SCAPER: variants seen among roughly 807,000 people sequenced by gnomAD.
SCAPER encodes the protein S phase cyclin A-associated protein in the endoplasmic reticulum.
A neutral mutation model predicts 182.2 loss-of-function variants in SCAPER; 98 were observed. The ratio of observed to expected loss-of-function variants is 0.54; its 90% CI spans 0.46 to 0.64. The LOEUF (loss-of-function observed/expected upper bound fraction) is 0.64, where lower values mean the gene tolerates loss of function less well. Ranked by LOEUF, SCAPER falls within the 30% of genes least tolerant of loss-of-function variation. The probability of loss-of-function intolerance (pLI) is 0.00; values close to 1 mark genes in which losing one functional copy is unlikely to be tolerated. For synonymous variants in SCAPER, 605 were observed against 564.6 expected (o/e 1.07, Z -1.01); for missense variants, 1,432 against 1,690.0 (o/e 0.85, Z 2.68).
In SCAPER at chr15:76,595,845, C is replaced by T. The variant is rs1325612728; in HGVS notation, c.2712-21561G>A. On this transcript the variant is annotated intron_variant, in intron 22 of 31. Transcript: ENST00000563290. ...AGAGGGAAATTTATAGCACTAAATGCCCACAGGAGAAAGCAGGAAAGATCT... is the reference window on the plus strand; with the variant it reads ...AGAGGGAAATTTATAGCACTAAATGTCCACAGGAGAAAGCAGGAAAGATCT... Among the ~76,000 whole-genome samples the T allele has an allele frequency of 1.6e-5, 2 of 121,756 alleles. 1 individual carries two copies. Among genetic ancestry groups the T allele is most frequent in the Non-Finnish European group, 4.0e-5 (2 of 50,124 alleles). The allele number at this position is 121,756 out of a possible 152,430, so 79.9% of individuals were successfully genotyped here.
chr15:76,368,631 G>A (rs1488600312), intron 29 of SCAPER, among the ~76,000 whole-genome samples: 1 of 152,212 alleles, frequency 6.6e-6, no homozygotes, highest in African/African-American at 2.4e-5. Context: ...GATCAGCATG[G>A]ACTTCACTAG....
intron 8 of SCAPER, among the ~76,000 whole-genome samples, chr15:76,784,872 AATT>A (rs1279242530): frequency 6.6e-6 from 1 of 152,248 alleles, no homozygotes; most frequent in Non-Finnish European, 1.5e-5. Flanking sequence ...CTTATACAAA[AATT>A]AATTCAAGAT....
At chr15:76,617,960 T>G (rs1210620434) in intron 22 of SCAPER, among the ~76,000 whole-genome samples, 1 of 152,152 alleles carries the variant, frequency 6.6e-6, no homozygotes, top group Non-Finnish European at 1.5e-5. Context: ...TCTAGACTGT[T>G]TTAAAAAATC....
intron 21 of SCAPER, among the ~76,000 whole-genome samples, chr15:76,635,356 A>T (rs1419530236): frequency 6.6e-6 from 1 of 152,226 alleles, no homozygotes; most frequent in African/African-American, 2.4e-5. Context: ...AGGAAACCAG[A>T]GTACAGGGAA....
intron 5 of SCAPER, among the ~76,000 whole-genome samples, chr15:76,833,410 C>G (rs540680584): frequency 6.6e-6 from 1 of 152,070 alleles, no homozygotes; most frequent in Non-Finnish European, 1.5e-5. Flanking sequence ...ACAATAAGTG[C>G]CACCATAAGA....
intron 1 of SCAPER, 75 bp from the exon 2 acceptor site, chr15:76,883,951 T>G (rs1051984423): frequency 1.4e-6 from 1 of 719,932 alleles, no homozygotes; most frequent in East Asian, 3.3e-5. Context: ...AAGATACAAA[T>G]CTCATCCCCA....
At chr15:76,668,057 C>A (rs1157093728) in intron 20 of SCAPER, among the ~76,000 whole-genome samples, 3 of 152,186 alleles carry the variant, frequency 2.0e-5, no homozygotes, top group Admixed American at 2.0e-4. Context: ...CAACAAAACT[C>A]TTATGTTCTT....
At position 76,851,874 on chromosome 15, in the gene SCAPER, T is replaced by G. The variant is rs144039252; in HGVS notation, c.195+5935A>C. 6.0e-3 allele frequency among the ~76,000 whole-genome samples: 908 copies of G among 152,106 alleles called. 4 individuals carry two copies. Among genetic ancestry groups the G allele is most frequent in the African/African-American group, 0.021 (875 of 41,482 alleles). ...TGTAAATGGGCTAAATGCCCCCACTTAAAAGGCACAGAGTGGCAAGTTGGA... is the reference window on the plus strand; with the variant it reads ...TGTAAATGGGCTAAATGCCCCCACTGAAAAGGCACAGAGTGGCAAGTTGGA... On this transcript the variant is annotated intron_variant, in intron 4 of 31. Transcript: ENST00000563290.
intron 29 of SCAPER, among the ~76,000 whole-genome samples, chr15:76,373,328 G>A (rs528964227): frequency 2.3e-4 from 35 of 152,216 alleles, no homozygotes; most frequent in Non-Finnish European, 3.7e-4. Context: ...GATTACAGGC[G>A]TGAGCTACTG....
At position 76,858,802 on chromosome 15, in the gene SCAPER, T is replaced by G. The variant is rs189393949; in HGVS notation, c.125-923A>C. Among the ~76,000 whole-genome samples the G allele has an allele frequency of 8.7e-4, 124 of 142,146 alleles. 1 individual carries two copies. Among genetic ancestry groups the G allele is most frequent in the African/African-American group, 3.0e-3 (116 of 38,530 alleles). 93.3% of individuals were successfully genotyped at this position (142,146 alleles called of 152,430 possible). Reference sequence around the variant, plus strand: ...CCATATTGCTGCAAATAACATGATTTCATTCTTTTTATGGCTACGTAGTAG... The same window carrying G: ...CCATATTGCTGCAAATAACATGATTGCATTCTTTTTATGGCTACGTAGTAG... On this transcript the variant is annotated intron_variant, in intron 3 of 31. Coordinates refer to ENST00000563290, the MANE Select transcript of SCAPER (RefSeq NM_020843.4).
chr15:76,886,796 T>C (rs948077081), intron 1 of SCAPER, among the ~76,000 whole-genome samples: 5 of 152,166 alleles, frequency 3.3e-5, no homozygotes, highest in Admixed American at 2.6e-4. Context: ...GTGGTACATA[T>C]ACACCAGGGA....
At chr15:76,538,027 C>T (rs1597270515) in intron 23 of SCAPER, among the ~76,000 whole-genome samples, 1 of 151,926 alleles carries the variant, frequency 6.6e-6, no homozygotes, top group African/African-American at 2.4e-5. Context: ...TACCATCTCA[C>T]ACCAGTTTGA....
chr15:76,869,967 T>C (rs1460532495), intron 2 of SCAPER, among the ~76,000 whole-genome samples: 2 of 152,132 alleles, frequency 1.3e-5, no homozygotes, highest in Non-Finnish European at 2.9e-5. Context: ...CTGGAGGTCA[T>C]TATGTTAAGT....
At chr15:76,525,606 G>A (rs2043139195) in intron 23 of SCAPER, among the ~76,000 whole-genome samples, 1 of 152,068 alleles carries the variant, frequency 6.6e-6, no homozygotes, top group South Asian at 2.1e-4. Flanking sequence ...ACTTATCAGT[G>A]AGAACATGTG....
At chr15:76,842,929 T>C (rs1490809026) in intron 4 of SCAPER, among the ~76,000 whole-genome samples, 1 of 152,206 alleles carries the variant, frequency 6.6e-6, no homozygotes, top group African/African-American at 2.4e-5. Flanking sequence ...TCTTTCTATA[T>C]ACCATTCAAA....
At chr15:76,586,002 A>G (rs1322626773) in intron 22 of SCAPER, among the ~76,000 whole-genome samples, 2 of 152,190 alleles carry the variant, frequency 1.3e-5, no homozygotes, top group Admixed American at 1.3e-4. Context: ...CCAACCTAGG[A>G]ATATGAGAAG....
intron 23 of SCAPER, among the ~76,000 whole-genome samples, chr15:76,510,904 TG>T (rs2041978883): frequency 6.6e-6 from 1 of 152,008 alleles, no homozygotes; most frequent in South Asian, 2.1e-4. Context: ...CGCGCACGTA[TG>T]GAATACTACT....
intron 4 of SCAPER, among the ~76,000 whole-genome samples, chr15:76,852,167 C>A (rs1051744327): frequency 6.6e-6 from 1 of 152,166 alleles, no homozygotes; most frequent in African/African-American, 2.4e-5. Context: ...GCACCCAACA[C>A]AGGAGAAGCA....
intron 21 of SCAPER, among the ~76,000 whole-genome samples, chr15:76,660,265 T>C (rs1483907364): frequency 6.6e-6 from 1 of 151,970 alleles, no homozygotes; most frequent in Non-Finnish European, 1.5e-5. Context: ...ATGTTGAAGA[T>C]AAAAAAACAA....
Sources: gnomAD v4.1 joint callset for allele counts (sites outside exome capture counted in the v4.1 genomes callset) on GRCh38, gnomAD v4.1.1 for gene constraint, MANE v1.5 for transcripts, NCBI Gene and HGNC (gene_info 2026-07-23, HGNC 2026-07-21) for gene names.